The following LARP4B variants were observed in gnomAD, a reference collection of about 807,000 sequenced individuals.
LARP4B encodes the protein la-related protein 4B.
LARP4B carries 12 observed loss-of-function variants against 89.8 expected under a neutral mutation model. The observed-to-expected ratio is 0.13, with a 90% CI of 0.09 to 0.22. LARP4B has a LOEUF of 0.22. Ranked by LOEUF, LARP4B falls within the 10% of genes least tolerant of loss-of-function variation. The pLI, the probability that LARP4B is intolerant of heterozygous loss-of-function variation, is 1.00. For missense variants in LARP4B, 757 were observed against 947.7 expected (o/e 0.80, Z 2.64); for synonymous variants, 367 against 363.3 (o/e 1.01, Z -0.12).
chr10:904,150 G>A (rs1159574617), intron 1 of LARP4B, among the ~76,000 whole-genome samples: 1 of 152,078 alleles, frequency 6.6e-6, no homozygotes, highest in Non-Finnish European at 1.5e-5. Context: ...CAAGCACAAT[G>A]ATGCATACCT....
chr10:820,880 T>C (rs1832318299), intron 13 of LARP4B, 35 bp from the exon 14 acceptor site: 2 of 1,599,768 alleles, frequency 1.3e-6, no homozygotes, highest in African/African-American at 2.7e-5. Flanking sequence ...TGTTATTTTT[T>C]TCCCACTTGG....
intron 1 of LARP4B, among the ~76,000 whole-genome samples, chr10:900,989 G>A (rs1034674542): frequency 2.2e-5 from 3 of 138,576 alleles, no homozygotes; most frequent in African/African-American, 5.5e-5. Context: ...GCACAATCTC[G>A]GCTAACTGCA....
chr10:935,453 AGT>A (rs1332841133), upstream of LARP4B, among the ~76,000 whole-genome samples: 1 of 152,148 alleles, frequency 6.6e-6, no homozygotes, highest in Non-Finnish European at 1.5e-5. Context: ...CAACCACTGA[AGT>A]GTTTTAGACA....
intron 5 of LARP4B, among the ~76,000 whole-genome samples, chr10:856,556 G>A (rs888119048): frequency 6.6e-6 from 1 of 152,206 alleles, no homozygotes; most frequent in Non-Finnish European, 1.5e-5. Context: ...GAACCAAGGC[G>A]AGGACAGAAA....
At chr10:839,072 G>A (rs993856534) in intron 7 of LARP4B, among the ~76,000 whole-genome samples, 2 of 152,196 alleles carry the variant, frequency 1.3e-5, no homozygotes, top group Admixed American at 6.5e-5. Flanking sequence ...AAACTACAGA[G>A]GCAGTAAAAA....
chr10:846,149 A>G (rs1481407342), intron 5 of LARP4B, among the ~76,000 whole-genome samples: 1 of 152,192 alleles, frequency 6.6e-6, no homozygotes, highest in Non-Finnish European at 1.5e-5. Flanking sequence ...TCTCCGGGTC[A>G]CTCATCTAAA....
chr10:917,996 G>T (rs1836871514), intron 1 of LARP4B, among the ~76,000 whole-genome samples: 3 of 152,126 alleles, frequency 2.0e-5, no homozygotes, highest in Admixed American at 2.0e-4. Flanking sequence ...CTTAACCATT[G>T]TGTTTGAGTT....
chr10:829,448 G>A lies in LARP4B; in HGVS notation c.1062C>T (p.Pro354=). 6.2e-7 allele frequency: 1 copy of A among 1,614,138 alleles called. No homozygotes were observed. The highest frequency in any genetic ancestry group is 8.5e-7 in the Non-Finnish European group (1 of 1,180,030). The change falls in exon 11 of 18, where the codon CCC becomes CCT. Residue 354 remains proline (P), a synonymous_variant. Coordinates refer to ENST00000316157, the MANE Select transcript of LARP4B (RefSeq NM_015155.3). The stretch of plus-strand genomic sequence containing the variant: ...TCTGGGGAGTGATCAGGCTGTACAG[G>A]GGGAACTGCTGCTGGGGGCTGTACA... ...PPMYSPQQQF[P]LYSLITPQTW...
chr10:930,660 T>G (rs983937622), intron 1 of LARP4B, among the ~76,000 whole-genome samples: 1 of 152,134 alleles, frequency 6.6e-6, no homozygotes, highest in Non-Finnish European at 1.5e-5. Flanking sequence ...CTGCCGCCCA[T>G]GTATCCCAGC....
the LARP4B span, among the ~76,000 whole-genome samples, chr10:983,740 C>G: frequency 4.6e-3 from 703 of 152,242 alleles, 5 homozygotes; most frequent in South Asian, 6.8e-3. Context: ...AGGGCTTTCA[C>G]GTATGAATTT....
intron 3 of LARP4B, among the ~76,000 whole-genome samples, chr10:872,574 T>C (rs1227017420): frequency 6.6e-6 from 1 of 152,224 alleles, no homozygotes; most frequent in Non-Finnish European, 1.5e-5. Context: ...AAAGACTTAC[T>C]CTCATCACCA....
intron 3 of LARP4B, among the ~76,000 whole-genome samples, chr10:880,457 C>T (rs926783872): frequency 4.6e-5 from 7 of 152,020 alleles, no homozygotes; most frequent in Admixed American, 1.3e-4. Context: ...GAGGCCAAGG[C>T]GGGCAGATCA....
At chr10:908,139 G>T (rs1836545918) in intron 1 of LARP4B, among the ~76,000 whole-genome samples, 1 of 152,152 alleles carries the variant, frequency 6.6e-6, no homozygotes, top group Non-Finnish European at 1.5e-5. Flanking sequence ...CACGTGAGGT[G>T]GAGGTTGCAG....
chr10:867,582 C>A (rs539846891), intron 3 of LARP4B, among the ~76,000 whole-genome samples: 2 of 152,018 alleles, frequency 1.3e-5, no homozygotes, highest in Non-Finnish European at 2.9e-5. Context: ...CAGCGTCGGC[C>A]GGGTGTGGTG....
At chr10:985,768 C>T in the LARP4B span, 1 of 152,240 alleles carries the variant, frequency 6.6e-6, no homozygotes, top group African/African-American at 2.4e-5. Flanking sequence ...ATTCCAACCG[C>T]TACAGCCCCT....
At chr10:836,574 T>C in intron 7 of LARP4B, 68 bp from the exon 8 acceptor site, 1 of 960,026 alleles carries the variant, frequency 1.0e-6, no homozygotes, top group East Asian at 2.4e-5. Flanking sequence ...TGGAATGTGT[T>C]ACATTATATT....
chr10:935,128 C>G (rs542701624), upstream of LARP4B, among the ~76,000 whole-genome samples: 59 of 152,198 alleles, frequency 3.9e-4, no homozygotes, highest in Non-Finnish European at 7.9e-4. Flanking sequence ...ATCACACTCA[C>G]TTTCCGAGCA....
intron 7 of LARP4B, among the ~76,000 whole-genome samples, chr10:841,921 A>G (rs1833537068): frequency 6.6e-6 from 1 of 152,176 alleles, no homozygotes; most frequent in African/African-American, 2.4e-5. Flanking sequence ...AAATCCAACT[A>G]AGTTCTCATG....
At chr10:884,685 G>T (rs1835797401) in intron 2 of LARP4B, among the ~76,000 whole-genome samples, 179 bp from the exon 3 acceptor site, 2 of 152,034 alleles carry the variant, frequency 1.3e-5, no homozygotes, top group African/African-American at 2.4e-5. Context: ...AATTCTGAAT[G>T]AACATCATAG....
Sources: gnomAD v4.1 joint callset for allele counts (sites outside exome capture counted in the v4.1 genomes callset) on GRCh38, gnomAD v4.1.1 for gene constraint, MANE v1.5 for transcripts, NCBI Gene and HGNC (gene_info 2026-07-23, HGNC 2026-07-21) for gene names.